The following NSD1 variants were observed in gnomAD, a reference collection of about 807,000 sequenced individuals.
The protein encoded by NSD1 is nuclear receptor binding SET domain protein 1.
Under a neutral mutation model 242.7 loss-of-function variants are expected in NSD1, and 26 were observed. That is an observed-to-expected ratio of 0.11 (90% CI 0.08 to 0.15). The LOEUF (loss-of-function observed/expected upper bound fraction) is 0.15. NSD1 is among the 10% of genes least tolerant of loss of function. The pLI is 1.00. For synonymous variants in NSD1, 1,106 were observed against 1,178.1 expected (o/e 0.94, Z 1.25); for missense variants, 2,495 against 3,272.8 (o/e 0.76, Z 5.80).
intron 5 of NSD1, among the ~76,000 whole-genome samples, chr5:177,228,926 A>G (rs1764840816): frequency 1.3e-5 from 2 of 152,150 alleles, no homozygotes; most frequent in Admixed American, 1.3e-4. Context: ...TCTAATCTGT[A>G]TATAGTTAAT....
At chr5:177,192,734 T>G (rs1015831365) in intron 3 of NSD1, among the ~76,000 whole-genome samples, 27 of 152,298 alleles carry the variant, frequency 1.8e-4, no homozygotes, top group African/African-American at 6.0e-4. Context: ...TTTCACCATG[T>G]TGGCCAGGCT....
intron 2 of NSD1, chr5:177,136,871 A>G (rs1251236110): frequency 4.3e-6 from 3 of 694,346 alleles, no homozygotes; most frequent in South Asian, 3.0e-5. Context: ...TTTATTGTTT[A>G]GAGACTGGCC....
intron 10 of NSD1, chr5:177,247,920 T>A: frequency 1.0e-6 from 1 of 985,390 alleles, no homozygotes; most frequent in Non-Finnish European, 1.2e-6. Context: ...TTTCTCTCCC[T>A]TAGTGAAACC....
chr5:177,280,446 A>T, intron 17 of NSD1, 119 bp from the exon 18 acceptor site: 1 of 1,067,162 alleles, frequency 9.4e-7, no homozygotes, highest in Non-Finnish European at 1.5e-6. Context: ...AAGTGTTGAT[A>T]GTTCAAAATC....
intron 2 of NSD1, among the ~76,000 whole-genome samples, chr5:177,188,559 G>GT (rs1761419196): frequency 6.6e-6 from 1 of 152,054 alleles, no homozygotes; most frequent in Non-Finnish European, 1.5e-5. Context: ...TTATTTAAAA[G>GT]TTTTTTTAAG....
chr5:177,210,150 C>T lies in NSD1; in HGVS notation c.1751C>T (p.Thr584Ile). The T allele has an allele frequency of 6.2e-7, 1 of 1,612,248 alleles. No homozygotes were observed. Among genetic ancestry groups the T allele is most frequent in the South Asian group, 1.1e-5 (1 of 90,650 alleles). Reference protein sequence around the residue: ...GKNTAKKEFETSNGDSLLGLP... With the variant: ...GKNTAKKEFEISNGDSLLGLP... ...AACACTGCAAAGAAAGAATTTGAGA[C>T]TTCAAATGGTGACTCTTTATTGGGC... The change falls in exon 5 of 23, where the codon ACT becomes ATT. Residue 584 changes from threonine (T) to isoleucine (I), a missense_variant. Physicochemically the swap from Thr to Ile is moderately conservative, Grantham distance 89. Coordinates refer to ENST00000439151, the MANE Select transcript of NSD1 (RefSeq NM_022455.5).
At chr5:177,250,729 T>G (rs1289862730) in intron 11 of NSD1, among the ~76,000 whole-genome samples, 1 of 152,202 alleles carries the variant, frequency 6.6e-6, no homozygotes, top group Non-Finnish European at 1.5e-5. Flanking sequence ...TGAGTTCCCC[T>G]ATCAATTCCA....
At chr5:177,208,699 CTTAATTAA>C (rs561781385) in intron 4 of NSD1, among the ~76,000 whole-genome samples, 1 of 150,566 alleles carries the variant, frequency 6.6e-6, no homozygotes, top group African/African-American at 2.4e-5. Flanking sequence ...CTTCATATTC[CTTAATTAA>C]TTAATTAATT....
rs181766098 is a variant in NSD1, at chr5:177,178,334, C to T, written c.928-13550C>T. Among the ~76,000 whole-genome samples the T allele has an allele frequency of 7.7e-4, 117 of 152,250 alleles. No individual in the cohort carries two copies. The East Asian group carries it at 0.017, about 22-fold the overall frequency. ...CTCCGCCTCCCGGGTTCAAGTGATT[C>T]TCCTGCCTCAGCCTCCTGAGTAGCT... On this transcript the variant is annotated intron_variant, in intron 2 of 22. Transcript: ENST00000439151.
At chr5:177,185,663 A>G (rs1371737281) in intron 2 of NSD1, among the ~76,000 whole-genome samples, 1 of 123,646 alleles carries the variant, frequency 8.1e-6, no homozygotes, top group Non-Finnish European at 1.6e-5. Context: ...CCAAATATAT[A>G]TTATATATAT....
At chr5:177,136,980 T>G in intron 2 of NSD1, 1 of 680,642 alleles carries the variant, frequency 1.5e-6, no homozygotes, top group Non-Finnish European at 2.7e-6. Flanking sequence ...AGTGTGTATG[T>G]GTATGTGTGA....
At chr5:177,153,149 T>G (rs1465193153) in intron 2 of NSD1, among the ~76,000 whole-genome samples, 3 of 151,936 alleles carry the variant, frequency 2.0e-5, no homozygotes, top group Admixed American at 2.0e-4. Context: ...GAGTTGTAAG[T>G]GAAGTCTTGA....
chr5:177,180,471 G>A (rs1341328670), intron 2 of NSD1, among the ~76,000 whole-genome samples: 4 of 151,950 alleles, frequency 2.6e-5, no homozygotes, highest in African/African-American at 9.7e-5. Context: ...AGTCAGGCTG[G>A]TCTTGAATTC....
chr5:177,167,426 T>C (rs974054959), intron 2 of NSD1, among the ~76,000 whole-genome samples: 2 of 152,058 alleles, frequency 1.3e-5, no homozygotes, highest in South Asian at 2.1e-4. Flanking sequence ...TCCCAGCTAC[T>C]TGGGAGGCTG....
intron 4 of NSD1, among the ~76,000 whole-genome samples, chr5:177,207,723 C>G (rs111341767): frequency 6.7e-6 from 1 of 149,364 alleles, no homozygotes; most frequent in South Asian, 2.1e-4. Flanking sequence ...AGCCACTCCA[C>G]GCAGCCTTTT....
chr5:177,240,951 C>T (rs141756108), intron 8 of NSD1, among the ~76,000 whole-genome samples: 16 of 151,474 alleles, frequency 1.1e-4, no homozygotes, highest in African/African-American at 3.9e-4. Flanking sequence ...CCCCAGAGGT[C>T]GAGGCTGCAG....
At chr5:177,226,548 T>A (rs1764643355) in intron 5 of NSD1, among the ~76,000 whole-genome samples, 1 of 152,186 alleles carries the variant, frequency 6.6e-6, no homozygotes. Flanking sequence ...TCAAACTCTT[T>A]CCTTCACTTG....
chr5:177,256,855 G>C, intron 12 of NSD1, 96 bp from the exon 13 acceptor site: 1 of 986,204 alleles, frequency 1.0e-6, no homozygotes, highest in Non-Finnish European at 1.6e-6. Flanking sequence ...AAACCGATCA[G>C]TCCATTATAA....
chr5:177,202,207 C>T (rs1221907223), intron 3 of NSD1, among the ~76,000 whole-genome samples: 2 of 150,804 alleles, frequency 1.3e-5, no homozygotes, highest in East Asian at 1.9e-4. Context: ...CTTCATTTGT[C>T]TCCTCCCACT....
Sources: gnomAD v4.1 joint callset for allele counts (sites outside exome capture counted in the v4.1 genomes callset) on GRCh38, gnomAD v4.1.1 for gene constraint, MANE v1.5 for transcripts, NCBI Gene and HGNC (gene_info 2026-07-23, HGNC 2026-07-21) for gene names.